FUOM: variants seen among roughly 807,000 people sequenced by gnomAD.
FUOM encodes the protein protein fucU homolog.
Under a neutral mutation model 18.3 loss-of-function variants are expected in FUOM, and 19 were observed. The ratio of observed to expected loss-of-function variants is 1.04; its 90% CI spans 0.73 to 1.53. FUOM has a LOEUF of 1.53. FUOM is among the 40% of genes most tolerant of loss of function. FUOM has a pLI of 0.00. For synonymous variants in FUOM, 102 were observed against 87.9 expected, an observed-to-expected ratio of 1.16 and a Z score of -0.90; for missense variants, 210 against 200.9, an observed-to-expected ratio of 1.04 and a Z score of -0.27.
downstream of FUOM, among the ~76,000 whole-genome samples, chr10:133,354,924 C>T (rs1049522542): frequency 1.3e-5 from 2 of 152,162 alleles, no homozygotes; most frequent in African/African-American, 4.8e-5. Flanking sequence ...CCTTGGTGTC[C>T]ACAGCCCAGG....
chr10:133,353,817 G>A (rs766449835), downstream of FUOM, among the ~76,000 whole-genome samples: 19 of 152,124 alleles, frequency 1.2e-4, no homozygotes, highest in Non-Finnish European at 2.5e-4. Flanking sequence ...AGAACATGGG[G>A]TAGGAGGGCA....
At chr10:133,357,318 C>T (rs755691085) in intron 1 of FUOM, 63 bp from the exon 2 acceptor site, 5 of 1,471,430 alleles carry the variant, frequency 3.4e-6, no homozygotes, top group Non-Finnish European at 3.7e-6. Flanking sequence ...CGGCGCCGCC[C>T]GTCCTCCCAC....
chr10:133,355,100 G>T (rs891845897), downstream of FUOM: 8 of 515,184 alleles, frequency 1.6e-5, no homozygotes, highest in African/African-American at 1.3e-4. Context: ...CCACTCTGGA[G>T]CCAGCAGCCT....
chr10:133,353,850 G>T (rs1353124882), downstream of FUOM, among the ~76,000 whole-genome samples: 1 of 152,116 alleles, frequency 6.6e-6, no homozygotes, highest in Non-Finnish European at 1.5e-5. Context: ...CACGCTCAGG[G>T]CTGAGATTTG....
Position 133,355,288 on chromosome 10 carries a change from C to A in FUOM, c.*82G>T. ...CAGGGCCCAGGTCTGGGAGCTGCCA[C>A]TGGGAGGCCTGTTGTGAGTGGTGGT... On this transcript the variant is annotated 3_prime_UTR_variant, in exon 6 of 6. Coordinates refer to ENST00000278025, the MANE Select transcript of FUOM (RefSeq NM_001098483.3). The A allele has an allele frequency of 1.4e-6, 2 of 1,478,348 alleles. No individual in the cohort carries two copies. Among genetic ancestry groups the A allele is most frequent in the Non-Finnish European group, 9.0e-7 (1 of 1,107,266 alleles). 91.6% of individuals were successfully genotyped at this position (1,478,348 alleles called of 1,614,324 possible). A position where few individuals can be genotyped will look rare whatever the true frequency, so the allele number is the denominator to read the frequency against.
At chr10:133,355,465 C>T (rs1271298418) in intron 5 of FUOM, 29 bp from the exon 6 acceptor site, 2 of 1,608,776 alleles carry the variant, frequency 1.2e-6, no homozygotes, top group Admixed American at 1.7e-5. Context: ...CAGCACTGAG[C>T]TGGGCTGCAG....
chr10:133,353,964 CTTTT>C (rs56893037), downstream of FUOM, among the ~76,000 whole-genome samples: 1 of 138,726 alleles, frequency 7.2e-6, no homozygotes, highest in Non-Finnish European at 1.6e-5. Flanking sequence ...GTGTTTGTGG[CTTTT>C]TTTTTTTTTT....
At chr10:133,355,028 G>A (rs559409598), downstream of FUOM, 57 of 326,698 alleles carry the variant, frequency 1.7e-4, no homozygotes, top group South Asian at 1.9e-3. Flanking sequence ...CAGGCACCCC[G>A]CCCAGTCCCC....
intron 5 of FUOM, 27 bp downstream of exon 5, chr10:133,355,711 G>A (rs946242430): frequency 6.2e-7 from 1 of 1,610,084 alleles, no homozygotes; most frequent in Non-Finnish European, 8.5e-7. Flanking sequence ...GTGGGGATGG[G>A]GCAGGTCTGA....
At chr10:133,354,119 AGCCTGGGGATGG>A (rs544975831), downstream of FUOM, among the ~76,000 whole-genome samples, 97 of 152,226 alleles carry the variant, frequency 6.4e-4, 1 homozygote, top group South Asian at 7.9e-3. Flanking sequence ...TGTGGGGCTG[AGCCTGGGGATGG>A]GCGAGGGTGT....
chr10:133,357,302 CG>C (rs1456895366), intron 1 of FUOM, 47 bp from the exon 2 acceptor site: 25 of 1,536,454 alleles, frequency 1.6e-5, no homozygotes, highest in Non-Finnish European at 2.1e-5. Context: ...TCCCTGCCCT[CG>C]GGGTCGGCGC....
intron 4 of FUOM, 57 bp downstream of exon 4, chr10:133,356,583 C>A (rs1848807096): frequency 7.5e-7 from 1 of 1,327,168 alleles, no homozygotes; most frequent in East Asian, 2.5e-5. Context: ...TCCTCCTGAG[C>A]CTCCAGGAGA....
intron 1 of FUOM, chr10:133,357,584 C>T (rs1848850872): frequency 6.1e-6 from 3 of 488,660 alleles, no homozygotes; most frequent in South Asian, 5.2e-5. Flanking sequence ...GCCCGCGATG[C>T]CCGGACCAGG....
intron 4 of FUOM, 121 bp from the exon 5 acceptor site, chr10:133,355,932 C>A: frequency 1.2e-6 from 1 of 851,024 alleles, no homozygotes; most frequent in Non-Finnish European, 2.0e-6. Flanking sequence ...ATTTCTTGGG[C>A]TCTCCCCCGG....
downstream of FUOM, among the ~76,000 whole-genome samples, chr10:133,354,631 A>G (rs1341023525): frequency 3.9e-5 from 6 of 152,032 alleles, no homozygotes; most frequent in Non-Finnish European, 8.8e-5. Flanking sequence ...ATCCTTGGGG[A>G]CCAGTCCAAG....
chr10:133,356,851 C>T, intron 3 of FUOM, 92 bp downstream of exon 3: 11 of 1,456,260 alleles, frequency 7.6e-6, no homozygotes, highest in Non-Finnish European at 9.3e-6. Flanking sequence ...ACATGGCTTC[C>T]CCCCACTCCA....
downstream of FUOM, among the ~76,000 whole-genome samples, chr10:133,354,455 C>T (rs1056852711): frequency 1.3e-5 from 2 of 152,152 alleles, no homozygotes; most frequent in Non-Finnish European, 2.9e-5. Context: ...CCTCGAGCCC[C>T]GGGGACACCA....
chr10:133,353,326 C>A (rs1333148729), downstream of FUOM, among the ~76,000 whole-genome samples: 1 of 152,180 alleles, frequency 6.6e-6, no homozygotes, highest in Admixed American at 6.5e-5. Context: ...AATGCTGCAG[C>A]GCAGGTCCAG....
intron 4 of FUOM, 133 bp downstream of exon 4, chr10:133,356,507 C>CG: frequency 3.5e-6 from 2 of 575,424 alleles, no homozygotes; most frequent in South Asian, 6.9e-5. Context: ...GCCAGTGGTC[C>CG]GGGGTTCTCA....
Sources: allele counts gnomAD v4.1 joint callset (sites outside exome capture counted in the v4.1 genomes callset), GRCh38; gene constraint gnomAD v4.1.1; transcripts MANE v1.5; gene names NCBI Gene and HGNC (gene_info 2026-07-23, HGNC 2026-07-21).